Variants in RBM17 observed in about 807,000 individuals in gnomAD.
RBM17 encodes RNA binding motif protein 17.
A neutral mutation model predicts 53.2 loss-of-function variants in RBM17; 7 were observed. That is an observed-to-expected ratio of 0.13 (90% confidence interval 0.07 to 0.25). The LOEUF is 0.25. RBM17 is among the 10% of genes least tolerant of loss of function. The pLI is 1.00. For synonymous variants in RBM17, 167 were observed against 178.1 expected, an observed-to-expected ratio of 0.94 and a Z score of 0.50; for missense variants, 257 against 496.7, an observed-to-expected ratio of 0.52 and a Z score of 4.59.
chr10:6,109,242 G>C (rs1840801935), intron 6 of RBM17, among the ~76,000 whole-genome samples: 1 of 152,098 alleles, frequency 6.6e-6, no homozygotes, highest in Non-Finnish European at 1.5e-5. Context: ...CTAGAATTTG[G>C]GGGTTGGGAC....
intron 1 of RBM17, among the ~76,000 whole-genome samples, chr10:6,091,121 G>A (rs1018996381): frequency 1.3e-5 from 2 of 151,230 alleles, no homozygotes; most frequent in African/African-American, 2.4e-5. Context: ...GTGCAGCGGT[G>A]TAAGTCGGCT....
chr10:6,098,309 T>A (rs549728023), intron 2 of RBM17, among the ~76,000 whole-genome samples: 1 of 152,250 alleles, frequency 6.6e-6, no homozygotes, highest in South Asian at 2.1e-4. Flanking sequence ...AGTCAAAGGC[T>A]CCTTGCTGGG....
At chr10:6,092,509 G>A (rs1449437553) in intron 1 of RBM17, among the ~76,000 whole-genome samples, 2 of 152,208 alleles carry the variant, frequency 1.3e-5, no homozygotes, top group Admixed American at 1.3e-4. Flanking sequence ...GAGGATTCCG[G>A]GGAAATTACA....
chr10:6,113,528 T>G lies in RBM17; in HGVS notation c.877T>G (p.Ser293Ala). The change falls in exon 9 of 12, where the codon TCA becomes GCA. Residue 293 changes from serine to alanine, a missense_variant. Physicochemically the swap from Ser to Ala is moderately conservative, Grantham distance 99 (BLOSUM62 1). Around this residue, in one of 6 missense-constraint regions of RBM17, gnomAD observed 49 missense variants for 114.8 expected, o/e 0.43. Coordinates refer to ENST00000379888, the MANE Select transcript of RBM17 (RefSeq NM_032905.5). ...TEKDASKKSD[S>A]NPLTEILKCP... ...TACAGATGCATCCAAGAAGTCAGAT[T>G]CAAATCCGCTGACTGAAATACTTAA... 6.2e-7 allele frequency: 1 copy of G among 1,613,124 alleles called. No homozygotes were observed. Among genetic ancestry groups the G allele is most frequent in the Non-Finnish European group, 8.5e-7 (1 of 1,179,164 alleles).
At chr10:6,110,475 C>G (rs1350544569) in intron 7 of RBM17, among the ~76,000 whole-genome samples, 2 of 152,052 alleles carry the variant, frequency 1.3e-5, no homozygotes, top group African/African-American at 2.4e-5. Flanking sequence ...CAGGTGATAC[C>G]TTTTTTTTCC....
rs1348760092 is a variant in RBM17, at chr10:6,089,380, C to G, written c.-19+187C>G. On this transcript the variant is annotated intron_variant, in intron 1 of 11. Transcript: ENST00000379888. The surrounding 1 kb of genome is among the most constrained non-coding windows in gnomAD (Gnocchi z 5.6). ...GGCGGGCGCTGGTCTCTCCACGCGG[C>G]TGCGGCCCGGTACCCTCCGCCCGCC... 6.6e-6 allele frequency: 1 copy of G among 152,432 alleles called. No homozygotes were observed. Among genetic ancestry groups the G allele is most frequent in the African/African-American group, 2.4e-5 (1 of 41,446 alleles). 9.4% of individuals were successfully genotyped at this position (152,432 alleles called of 1,614,324 possible). A position where few individuals can be genotyped will look rare whatever the true frequency, so the allele number is the denominator to read the frequency against.
Position 6,105,057 on chromosome 10 carries a change from C to T in RBM17, c.367C>T (p.Arg123Trp). 1 of 1,613,308 alleles carries T rather than the reference C, an allele frequency of 6.2e-7. No individual in the cohort carries two copies. The change falls in exon 4 of 12, where the codon CGG (arginine) becomes TGG (tryptophan). Residue 123 changes from arginine to tryptophan, a missense_variant. Arg to Trp is a moderately radical substitution (Grantham distance 101). Around this residue, in one of 6 missense-constraint regions of RBM17, gnomAD observed 127 missense variants for 217.2 expected, o/e 0.58. Coordinates refer to ENST00000379888, the MANE Select transcript of RBM17 (RefSeq NM_032905.5). ...CCAAAGAGAGGAACGACAGAGACAG[C>T]GGGAGCTGGAAAGACAAAAGGAAAT... ...KRQREERQRQ[R>W]ELERQKEIEE...
At chr10:6,094,203 C>T (rs1384063234) in intron 1 of RBM17, among the ~76,000 whole-genome samples, 1 of 152,004 alleles carries the variant, frequency 6.6e-6, no homozygotes, top group Non-Finnish European at 1.5e-5. Flanking sequence ...TGGTCTCGAT[C>T]TCCTGACCTC....
intron 5 of RBM17, among the ~76,000 whole-genome samples, chr10:6,107,500 T>TTTTTTTG (rs1554835490): frequency 3.6e-4 from 48 of 131,918 alleles, no homozygotes; most frequent in Non-Finnish European, 7.3e-4. Flanking sequence ...TTTTTTTTTT[T>TTTTTTTG]GGAGACACTC....
rs115265755 is a variant in RBM17, at chr10:6,112,010, A to G, written c.705-200A>G. ...CAACAGGATGTTCTGGATTTTATTC[A>G]TAGCTTTTTCTATTTCTTTCATGCT... On this transcript the variant is annotated intron_variant, in intron 7 of 11. Coordinates refer to ENST00000379888, the MANE Select transcript of RBM17 (RefSeq NM_032905.5). The surrounding 1 kb of genome is among the most constrained non-coding windows in gnomAD (Gnocchi z 4.4). Among the ~76,000 whole-genome samples, 1 of 152,102 alleles carries G rather than the reference A, an allele frequency of 6.6e-6. No individual in the cohort carries two copies. Among genetic ancestry groups the G allele is most frequent in the South Asian group, 2.1e-4 (1 of 4,816 alleles).
chr10:6,106,669 T>C (rs1840752816), intron 5 of RBM17, among the ~76,000 whole-genome samples: 2 of 152,232 alleles, frequency 1.3e-5, no homozygotes, highest in Admixed American at 1.3e-4. Flanking sequence ...ATTAACTTCT[T>C]TTGGAATTCA....
intron 3 of RBM17, among the ~76,000 whole-genome samples, chr10:6,103,685 T>C (rs1840702889): frequency 6.6e-6 from 1 of 152,234 alleles, no homozygotes; most frequent in South Asian, 2.1e-4. Context: ...CTCTTATTCA[T>C]TGGATCATAG....
chr10:6,102,677 C>G (rs1350800670), intron 3 of RBM17, among the ~76,000 whole-genome samples: 2 of 152,132 alleles, frequency 1.3e-5, no homozygotes, highest in Non-Finnish European at 2.9e-5. Context: ...ACATAGTTTT[C>G]ACGATCAGTT....
intron 7 of RBM17, among the ~76,000 whole-genome samples, chr10:6,111,466 A>G (rs542698256): frequency 6.6e-6 from 1 of 152,308 alleles, no homozygotes; most frequent in East Asian, 1.9e-4. Context: ...CAGCCTGCCA[A>G]GTAGCTGGGA....
At position 6,112,168 on chromosome 10, in the gene RBM17, C is replaced by G; in HGVS notation, c.705-42C>G. Reference sequence around the variant, plus strand: ...AAAAATGCAACCTATCTCCAGTTGACGATGTCAAGGCTAAGAGTCCTTTCC... The same window carrying G: ...AAAAATGCAACCTATCTCCAGTTGAGGATGTCAAGGCTAAGAGTCCTTTCC... On this transcript the variant is annotated intron_variant, in intron 7 of 11. Coordinates refer to ENST00000379888, the MANE Select transcript of RBM17 (RefSeq NM_032905.5). The surrounding 1 kb of genome is among the most constrained non-coding windows in gnomAD (Gnocchi z 4.4). 6.3e-7 allele frequency: 1 copy of G among 1,594,628 alleles called. No individual in the cohort carries two copies. Among genetic ancestry groups the G allele is most frequent in the South Asian group, 1.1e-5 (1 of 90,198 alleles).
rs1202050085 is a variant in RBM17, at chr10:6,114,332, GTTTTA to G, written c.1029+189_1029+193del. ...TTAAACATAAAGACAATGATTTCAA[GTTTTA>G]TTTGATGAAGAAACAGGAATGCTTC... On this transcript the variant is annotated intron_variant, in intron 10 of 11. Coordinates refer to ENST00000379888, the MANE Select transcript of RBM17 (RefSeq NM_032905.5). 4 of 458,330 alleles carry G rather than the reference GTTTTA, an allele frequency of 8.7e-6. No homozygotes were observed. The East Asian group carries it at 1.7e-4, about 19-fold the overall frequency. 28.4% of individuals were successfully genotyped at this position (458,330 alleles called of 1,614,324 possible).
chr10:6,095,244 T>C (rs987480505), intron 1 of RBM17, among the ~76,000 whole-genome samples: 1 of 151,962 alleles, frequency 6.6e-6, no homozygotes, highest in African/African-American at 2.4e-5. Flanking sequence ...GCGGAGTCTT[T>C]ATCTGTCACC....
At chr10:6,100,013 G>A (rs759456074) in intron 2 of RBM17, among the ~76,000 whole-genome samples, 9 of 151,912 alleles carry the variant, frequency 5.9e-5, no homozygotes, top group Non-Finnish European at 1.2e-4. Flanking sequence ...AGCCGAGATC[G>A]AACTCCAGCC....
At chr10:6,109,271 C>T (rs528958567) in intron 6 of RBM17, among the ~76,000 whole-genome samples, 25 of 152,310 alleles carry the variant, frequency 1.6e-4, no homozygotes, top group African/African-American at 6.0e-4. Flanking sequence ...TGAATATCAT[C>T]TAGGTCATTT....
Sources: allele counts gnomAD v4.1 joint callset (sites outside exome capture counted in the v4.1 genomes callset), GRCh38; gene constraint gnomAD v4.1.1; regional missense constraint gnomAD v4.1.1; non-coding constraint Gnocchi (gnomAD v3.1); transcripts MANE v1.5; gene names NCBI Gene and HGNC (gene_info 2026-07-23, HGNC 2026-07-21).